PDE11A: variants seen among roughly 807,000 people sequenced by gnomAD.
PDE11A encodes the protein phosphodiesterase 11A.
Under a neutral mutation model 100.5 loss-of-function variants are expected in PDE11A, and 100 were observed. The ratio of observed to expected loss-of-function variants is 1.00; its 90% CI spans 0.85 to 1.18. The LOEUF (loss-of-function observed/expected upper bound fraction) is 1.18. PDE11A is among the 50% of genes most tolerant of loss of function. The pLI is 0.00. For synonymous variants in PDE11A, 381 were observed against 420.8 expected (o/e 0.91, Z 1.16); for missense variants, 1,141 against 1,152.6 (o/e 0.99, Z 0.15).
rs532276558 is a variant in PDE11A, at chr2:177,761,148, G to A, written c.1788+8175C>T. ...AAGAGTTAAAGGGCAAGGGGCTTTTGCCTCCAGCGGGGAAGAGAGACACTA... is the reference window on the plus strand; with the variant it reads ...AAGAGTTAAAGGGCAAGGGGCTTTTACCTCCAGCGGGGAAGAGAGACACTA... On this transcript the variant is annotated intron_variant, in intron 10 of 19. Transcript: ENST00000286063. 2.6e-5 allele frequency among the ~76,000 whole-genome samples: 4 copies of A among 152,270 alleles called. No individual in the cohort carries two copies. The East Asian group carries it at 7.7e-4, about 29-fold the overall frequency.
At chr2:177,889,484 G>GT (rs368627763) in intron 4 of PDE11A, among the ~76,000 whole-genome samples, 5,659 of 148,238 alleles carry the variant, frequency 0.038, 356 homozygotes, top group African/African-American at 0.13. Flanking sequence ...AATTTTGAAT[G>GT]TTTTTTTTTT....
intron 7 of PDE11A, 114 bp downstream of exon 7, chr2:177,820,106 T>A: frequency 1.5e-6 from 1 of 667,734 alleles, no homozygotes; most frequent in Non-Finnish European, 2.8e-6. Context: ...TGAGACATAG[T>A]TTGATGAGTC....
intron 12 of PDE11A, among the ~76,000 whole-genome samples, chr2:177,714,944 G>A (rs1227994410): frequency 6.6e-6 from 1 of 152,168 alleles, no homozygotes; most frequent in East Asian, 1.9e-4. Flanking sequence ...AGCCCTCGGA[G>A]CTTCCTCCAC....
chr2:177,997,681 T>C, intron 2 of PDE11A: 4 of 1,553,684 alleles, frequency 2.6e-6, no homozygotes, highest in Non-Finnish European at 2.7e-6. Context: ...TGCATTCAGT[T>C]TGGCTGTTAA....
intron 2 of PDE11A, among the ~76,000 whole-genome samples, chr2:177,936,357 C>T (rs1324815244): frequency 6.6e-6 from 1 of 152,162 alleles, no homozygotes; most frequent in Admixed American, 6.5e-5. Flanking sequence ...GCGAGTGACA[C>T]CAGATCTATT....
At chr2:177,967,046 T>C (rs1272474915) in intron 2 of PDE11A, among the ~76,000 whole-genome samples, 5 of 152,072 alleles carry the variant, frequency 3.3e-5, no homozygotes, top group Admixed American at 1.3e-4. Context: ...TATCAGTCTG[T>C]TCATGGTTTC....
At chr2:177,989,831 T>C (rs532105505) in intron 2 of PDE11A, among the ~76,000 whole-genome samples, 11 of 152,106 alleles carry the variant, frequency 7.2e-5, no homozygotes, top group Admixed American at 6.6e-4. Context: ...ATCATAGCAC[T>C]GAAAAAAAAT....
intron 2 of PDE11A, among the ~76,000 whole-genome samples, chr2:178,101,709 T>C (rs1481120906): frequency 1.3e-5 from 2 of 152,090 alleles, no homozygotes; most frequent in Non-Finnish European, 2.9e-5. Context: ...ACAAACATAC[T>C]CCGGTCACTC....
chr2:177,675,795 C>A, intron 16 of PDE11A: 1 of 571,440 alleles, frequency 1.7e-6, no homozygotes, highest in South Asian at 1.7e-5. Flanking sequence ...ACTTTCTGTA[C>A]ACCTGAGCTA....
At chr2:177,644,281 G>A (rs1051463172) in intron 19 of PDE11A, among the ~76,000 whole-genome samples, 7 of 152,228 alleles carry the variant, frequency 4.6e-5, no homozygotes, top group Admixed American at 3.9e-4. Flanking sequence ...AAAGCCACAG[G>A]GGCAGAGCTT....
At chr2:177,859,199 A>G (rs957660998) in intron 5 of PDE11A, among the ~76,000 whole-genome samples, 9 of 152,122 alleles carry the variant, frequency 5.9e-5, no homozygotes, top group Admixed American at 3.9e-4. Flanking sequence ...ATACATATGT[A>G]ACAAACCTGC....
chr2:177,822,294 T>G (rs2083153491), intron 6 of PDE11A, among the ~76,000 whole-genome samples: 1 of 151,928 alleles, frequency 6.6e-6, no homozygotes, highest in Non-Finnish European at 1.5e-5. Context: ...AAAATTTCTT[T>G]TTTTTTTGAA....
intron 2 of PDE11A, among the ~76,000 whole-genome samples, chr2:177,964,633 T>C (rs1016950198): frequency 2.6e-5 from 4 of 152,174 alleles, no homozygotes; most frequent in Admixed American, 2.0e-4. Flanking sequence ...AGTGGGAACA[T>C]GTGGTATTTG....
intron 15 of PDE11A, among the ~76,000 whole-genome samples, chr2:177,682,168 G>A (rs2080875099): frequency 6.6e-6 from 1 of 152,094 alleles, no homozygotes; most frequent in South Asian, 2.1e-4. Flanking sequence ...TTGATTCCAG[G>A]TCTTTAGATA....
chr2:177,680,236 G>A (rs958823565), intron 16 of PDE11A, among the ~76,000 whole-genome samples: 2 of 152,274 alleles, frequency 1.3e-5, no homozygotes, highest in South Asian at 2.1e-4. Context: ...GGTGGAGAGA[G>A]TAGAAGGATG....
intron 2 of PDE11A, among the ~76,000 whole-genome samples, chr2:178,009,327 G>A (rs571578487): frequency 5.9e-5 from 9 of 152,262 alleles, no homozygotes; most frequent in Admixed American, 3.3e-4. Context: ...CCCACAAAGT[G>A]AACCAGAAAA....
intron 1 of PDE11A, among the ~76,000 whole-genome samples, chr2:178,036,407 T>C (rs897930481): frequency 5.3e-5 from 8 of 152,162 alleles, no homozygotes; most frequent in African/African-American, 1.9e-4. Context: ...TCCATGCTCA[T>C]GGATAGGGAG....
In PDE11A at chr2:178,021,610, A is replaced by C. The variant is rs144773243; in HGVS notation, c.913-7150T>G. Among the ~76,000 whole-genome samples the C allele has an allele frequency of 2.0e-3, 312 of 152,354 alleles. 1 individual carries two copies. The highest frequency in any genetic ancestry group is 0.01 in the Middle Eastern group (3 of 294). On this transcript the variant is annotated intron_variant, in intron 1 of 19. Transcript: ENST00000286063. ...AAGTTTAATAATAGATGAAATTAAAAAATAGATTTAACTAGCCAAGTAATC... is the reference window on the plus strand; with the variant it reads ...AAGTTTAATAATAGATGAAATTAAACAATAGATTTAACTAGCCAAGTAATC...
intron 9 of PDE11A, among the ~76,000 whole-genome samples, chr2:177,806,241 C>A (rs1220622207): frequency 1.3e-5 from 2 of 152,268 alleles, no homozygotes; most frequent in Middle Eastern, 3.4e-3. Flanking sequence ...GGAGTTGATG[C>A]CAAAGAGAAC....
Sources: gnomAD v4.1 joint callset for allele counts (sites outside exome capture counted in the v4.1 genomes callset) on GRCh38, gnomAD v4.1.1 for gene constraint, MANE v1.5 for transcripts, NCBI Gene and HGNC (gene_info 2026-07-23, HGNC 2026-07-21) for gene names.